The following KIF24 variants were observed in gnomAD, a reference collection of about 807,000 sequenced individuals.
KIF24 encodes kinesin family member 24, also known as kinesin-like protein KIF24.
Under a neutral mutation model 118.9 loss-of-function variants are expected in KIF24, and 81 were observed. That is an observed-to-expected ratio of 0.68 (90% CI 0.57 to 0.82). The LOEUF is 0.82. Among genes scored for constraint, KIF24 ranks in the 40% least tolerant of loss-of-function variants. The probability of loss-of-function intolerance (pLI) is 0.00; values close to 1 mark genes in which losing one functional copy is unlikely to be tolerated. For missense variants in KIF24, 1,560 were observed against 1,661.6 expected (o/e 0.94, Z 1.06); for synonymous variants, 599 against 610.0 (o/e 0.98, Z 0.27).
chr9:34,314,257 G>A (rs978513132), intron 1 of KIF24, among the ~76,000 whole-genome samples: 1 of 152,088 alleles, frequency 6.6e-6, no homozygotes, highest in Non-Finnish European at 1.5e-5. Context: ...TCCGCCTCCC[G>A]AGTTCAAGCA....
intron 4 of KIF24, among the ~76,000 whole-genome samples, chr9:34,291,025 G>C (rs1836236405): frequency 1.3e-5 from 2 of 152,252 alleles, no homozygotes; most frequent in South Asian, 4.1e-4. Context: ...CCCCATGCTA[G>C]GTGCTTTAGA....
intron 3 of KIF24, among the ~76,000 whole-genome samples, chr9:34,300,569 C>T (rs1021381703): frequency 6.6e-6 from 1 of 151,994 alleles, no homozygotes; most frequent in African/African-American, 2.4e-5. Flanking sequence ...AGGGTTTCAC[C>T]ATGTTGGCCA....
chr9:34,289,303 A>T (rs1470360034), intron 5 of KIF24, among the ~76,000 whole-genome samples: 1 of 151,440 alleles, frequency 6.6e-6, no homozygotes, highest in Non-Finnish European at 1.5e-5. Flanking sequence ...CTGCTCCCCC[A>T]CTCCCCATTC....
rs1276699929 is a variant in KIF24, at chr9:34,257,685, C to T, written c.1922G>A (p.Trp641Ter). 1 of 1,614,022 alleles carries T rather than the reference C, an allele frequency of 6.2e-7. No homozygotes were observed. The highest frequency in any genetic ancestry group is 1.7e-5 in the Admixed American group (1 of 60,026). ...TTTCACAGGGCTAGCATGAATGACC[C>T]ACTCTTGTGAAGGACTCCCTCTGGA... Reference protein sequence around the residue: ...GGSRGSPSQEWVIHASPVKGT... With the variant: ...GGSRGSPSQE The change falls in exon 11 of 13, where the codon TGG becomes TAG. Residue 641 changes from tryptophan to a stop codon, truncating the protein, a stop_gained. Coordinates refer to ENST00000402558, the MANE Select transcript of KIF24 (RefSeq NM_194313.4). LOFTEE classifies it high-confidence loss of function.
In KIF24 at chr9:34,310,827, G is replaced by A; in HGVS notation, c.520C>T (p.Pro174Ser). 3 of 1,613,854 alleles carry A rather than the reference G, an allele frequency of 1.9e-6. No homozygotes were observed. In the East Asian group the frequency reaches 6.7e-5, roughly 36 times the overall value. Residue 174 changes from proline to serine, a missense_variant, in exon 2 of 13, where the codon CCA becomes TCA. Physicochemically the swap from Pro to Ser is moderately conservative, Grantham distance 74. This residue lies in a region of KIF24 where 964 missense variants were observed against 988.0 expected (regional missense o/e 0.98). Transcript: ENST00000402558. ...CCCAGTATTGCAGAAAGGTAATTTG[G>A]TGAAAAGAGTGAAGTGCTGATTTCT... Reference protein sequence around the residue: ...QTEISTSLFSPNYLSAILGDC... With the variant: ...QTEISTSLFSSNYLSAILGDC...
At chr9:34,255,709 A>T (rs1354938702) in intron 11 of KIF24, 26 bp downstream of exon 11, 2 of 1,574,886 alleles carry the variant, frequency 1.3e-6, no homozygotes, top group Non-Finnish European at 1.7e-6. Flanking sequence ...AAGGGGCTCA[A>T]GTCTTAGGGA....
chr9:34,308,159 G>A (rs530573317), intron 2 of KIF24, among the ~76,000 whole-genome samples: 4 of 152,264 alleles, frequency 2.6e-5, no homozygotes, highest in South Asian at 4.1e-4. Context: ...GTAGAAACAG[G>A]GTCTCACCAT....
At chr9:34,308,419 G>A (rs1199001373) in intron 2 of KIF24, among the ~76,000 whole-genome samples, 2 of 151,974 alleles carry the variant, frequency 1.3e-5, no homozygotes, top group Non-Finnish European at 2.9e-5. Context: ...GAATAGCTGG[G>A]ACTGCAGGCA....
upstream of KIF24, among the ~76,000 whole-genome samples, chr9:34,330,633 A>C (rs1225922497): frequency 6.6e-6 from 1 of 152,156 alleles, no homozygotes; most frequent in Non-Finnish European, 1.5e-5. Flanking sequence ...AAGGTAAAGC[A>C]CTTGACACAA....
At chr9:34,303,708 G>T (rs556573316) in intron 3 of KIF24, among the ~76,000 whole-genome samples, 132 of 152,242 alleles carry the variant, frequency 8.7e-4, no homozygotes, top group African/African-American at 2.9e-3. Flanking sequence ...AATTAGCCAG[G>T]CGTGGTGGCA....
chr9:34,275,351 A>G (rs572486827), intron 6 of KIF24, among the ~76,000 whole-genome samples: 1 of 152,094 alleles, frequency 6.6e-6, no homozygotes, highest in South Asian at 2.1e-4. Context: ...CTGATATCGC[A>G]CCACTGCACT....
At chr9:34,290,514 T>C (rs1271858549) in intron 4 of KIF24, 125 bp from the exon 5 acceptor site, 1 of 584,340 alleles carries the variant, frequency 1.7e-6, no homozygotes, top group Admixed American at 3.0e-5. Context: ...TATAAACACA[T>C]AAACCTTTAA....
At chr9:34,309,795 G>A (rs1046835249) in intron 2 of KIF24, among the ~76,000 whole-genome samples, 1 of 151,876 alleles carries the variant, frequency 6.6e-6, no homozygotes, top group African/African-American at 2.4e-5. Context: ...TATTTTTATG[G>A]AGTAAAATAA....
chr9:34,330,754 G>A (rs550514752), upstream of KIF24, among the ~76,000 whole-genome samples: 6 of 152,304 alleles, frequency 3.9e-5, no homozygotes, highest in African/African-American at 1.2e-4. Context: ...GAGGTCAGGA[G>A]ATCGAGACCA....
intron 7 of KIF24, 52 bp from the exon 8 acceptor site, chr9:34,269,414 A>G: frequency 1.2e-6 from 1 of 854,828 alleles, no homozygotes; most frequent in Non-Finnish European, 1.8e-6. Flanking sequence ...ATTTTATTTT[A>G]TTTTATTTTT....
intron 3 of KIF24, 42 bp downstream of exon 3, chr9:34,306,210 C>G (rs746568572): frequency 7.6e-7 from 1 of 1,321,772 alleles, no homozygotes; most frequent in South Asian, 1.4e-5. Context: ...AAATGACATA[C>G]TTGATAATAT....
At chr9:34,331,712 C>T (rs905880804), upstream of KIF24, among the ~76,000 whole-genome samples, 1 of 152,056 alleles carries the variant, frequency 6.6e-6, no homozygotes, top group African/African-American at 2.4e-5. Flanking sequence ...AAGTAAATTC[C>T]CACCTTGGGA....
chr9:34,319,983 G>A (rs1407562379), intron 1 of KIF24, among the ~76,000 whole-genome samples: 1 of 152,276 alleles, frequency 6.6e-6, no homozygotes, highest in Non-Finnish European at 1.5e-5. Flanking sequence ...CTTCTCACCT[G>A]TGAGACCAAA....
chr9:34,267,789 T>C (rs961957321), intron 8 of KIF24, among the ~76,000 whole-genome samples: 3 of 152,220 alleles, frequency 2.0e-5, no homozygotes, highest in Admixed American at 6.5e-5. Flanking sequence ...AATTGCCACA[T>C]GTGGCTGGTG....
Sources: gnomAD v4.1 joint callset for allele counts (sites outside exome capture counted in the v4.1 genomes callset) on GRCh38, gnomAD v4.1.1 for gene constraint, gnomAD v4.1.1 regional missense constraint, MANE v1.5 for transcripts, NCBI Gene and HGNC (gene_info 2026-07-23, HGNC 2026-07-21) for gene names.